Variants in RBFOX1 observed in about 807,000 individuals in gnomAD.
The protein encoded by RBFOX1 is RNA binding fox-1 homolog 1.
A neutral mutation model predicts 57.7 loss-of-function variants in RBFOX1; 8 were observed. That is an observed-to-expected ratio of 0.14 (90% confidence interval 0.08 to 0.25). The LOEUF is 0.25. RBFOX1 is among the 10% of genes least tolerant of loss of function. The probability of loss-of-function intolerance (pLI) is 1.00; values close to 1 mark genes in which losing one functional copy is unlikely to be tolerated. For synonymous variants in RBFOX1, 326 were observed against 222.4 expected, an observed-to-expected ratio of 1.47 and a Z score of -4.15; for missense variants, 611 against 548.5, an observed-to-expected ratio of 1.11 and a Z score of -1.14.
At chr16:5,850,208 A>G (rs1237558011) in intron 3 of RBFOX1, among the ~76,000 whole-genome samples, 1 of 152,138 alleles carries the variant, frequency 6.6e-6, no homozygotes, top group African/African-American at 2.4e-5. Flanking sequence ...AGCGGAGGGG[A>G]TGCTGCTTGG....
At chr16:7,025,495 C>A (rs983282889) in intron 3 of RBFOX1, among the ~76,000 whole-genome samples, 1 of 152,154 alleles carries the variant, frequency 6.6e-6, no homozygotes, top group Non-Finnish European at 1.5e-5. Context: ...CCTTGTTGTA[C>A]CCAGCCCCTA....
At chr16:7,460,389 ATGTGTGTGTGTG>A (rs1235047786) in intron 4 of RBFOX1, among the ~76,000 whole-genome samples, 2 of 87,212 alleles carry the variant, frequency 2.3e-5, no homozygotes, top group Non-Finnish European at 2.0e-5. Context: ...ATATATATAT[ATGTGTGTGTGTG>A]TGTGTGTGTG....
At chr16:6,261,022 A>G (rs1400686720) in intron 1 of RBFOX1, among the ~76,000 whole-genome samples, 1 of 152,178 alleles carries the variant, frequency 6.6e-6, no homozygotes, top group East Asian at 1.9e-4. Flanking sequence ...AATTATGAAG[A>G]CTATCTTTTG....
chr16:6,097,193 C>T lies in RBFOX1; in HGVS notation c.-127+77201C>T, dbSNP rs1331232469. Among the ~76,000 whole-genome samples the T allele has an allele frequency of 2.0e-5, 3 of 152,140 alleles. No homozygotes were observed. Among genetic ancestry groups the T allele is most frequent in the African/African-American group, 7.2e-5 (3 of 41,438 alleles). ...GTAAGACGTGACTTTCGCTTTCTGC[C>T]ATGATTGTGAGGCCTCCGTAGCCAT... is the stretch of plus-strand genomic sequence containing the variant. On this transcript the variant is annotated intron_variant, in intron 1 of 15. Coordinates refer to ENST00000550418, the MANE Select transcript of RBFOX1 (RefSeq NM_018723.4). The surrounding 1 kb of genome is among the most constrained non-coding windows in gnomAD (Gnocchi z 5.0).
intron 4 of RBFOX1, among the ~76,000 whole-genome samples, chr16:7,421,252 C>G (rs1269341520): frequency 1.3e-5 from 2 of 152,010 alleles, no homozygotes; most frequent in South Asian, 2.1e-4. Context: ...AGAGAACAAC[C>G]TATGTTGTAA....
chr16:5,551,892 T>C (rs2045480712), intron 2 of RBFOX1, among the ~76,000 whole-genome samples: 1 of 151,916 alleles, frequency 6.6e-6, no homozygotes, highest in Non-Finnish European at 1.5e-5. Context: ...TATGCGGTGT[T>C]TGGTTTTCTG....
chr16:5,869,572 T>C (rs56777539), intron 4 of RBFOX1, among the ~76,000 whole-genome samples: 4,120 of 152,172 alleles, frequency 0.027, 217 homozygotes, highest in African/African-American at 0.094. Context: ...TAGCTAGTTT[T>C]TGTATTTTTA....
At chr16:7,260,879 G>A (rs2094892633) in intron 4 of RBFOX1, among the ~76,000 whole-genome samples, 1 of 152,146 alleles carries the variant, frequency 6.6e-6, no homozygotes, top group Non-Finnish European at 1.5e-5. Flanking sequence ...AAGAGCTGGG[G>A]GAGTTCTGAT....
intron 4 of RBFOX1, among the ~76,000 whole-genome samples, chr16:7,369,964 G>T (rs192686153): frequency 2.6e-5 from 4 of 152,276 alleles, no homozygotes; most frequent in Admixed American, 2.6e-4. Context: ...ATGCTATTAT[G>T]TGTCAGAGCC....
rs143123358 is a variant in RBFOX1, at chr16:7,220,094, C to G, written c.27+167996C>G. Among the ~76,000 whole-genome samples the G allele has an allele frequency of 6.6e-5, 10 of 152,264 alleles. No individual in the cohort carries two copies. In the South Asian group the frequency reaches 1.5e-3, roughly 22 times the overall value. ...CCTTAGAGAGATCAATTGTGTGTAT[C>G]AGACCAAACAAAATTCACCATATTC... On this transcript the variant is annotated intron_variant, in intron 4 of 15. Coordinates refer to ENST00000550418, the MANE Select transcript of RBFOX1 (RefSeq NM_018723.4).
chr16:5,634,869 G>C lies in RBFOX1; in HGVS notation c.318+35908G>C, dbSNP rs529360147. 5.6e-4 allele frequency among the ~76,000 whole-genome samples: 86 copies of C among 152,280 alleles called. No homozygotes were observed. In the South Asian group the frequency reaches 0.017, roughly 31 times the overall value. On this transcript the variant is annotated intron_variant, in intron 3 of 19. Transcript: ENST00000641259. ...ATATTTGGCAACATCATAAAAAAGA[G>C]AATCTTTTTACTCACAAGTGTTTAT... is the stretch of plus-strand genomic sequence containing the variant.
At chr16:7,056,354 G>C (rs1484980134) in intron 4 of RBFOX1, among the ~76,000 whole-genome samples, 2 of 152,160 alleles carry the variant, frequency 1.3e-5, no homozygotes, top group African/African-American at 4.8e-5. Flanking sequence ...GTTCTTCTGA[G>C]CTTGCAATTC....
intron 2 of RBFOX1, among the ~76,000 whole-genome samples, chr16:6,478,430 T>TATATATA (rs1491380922): frequency 3.6e-3 from 46 of 12,716 alleles, no homozygotes; most frequent in African/African-American, 0.011. Flanking sequence ...TATATATATA[T>TATATATA]TTTTTTTTTT....
intron 4 of RBFOX1, among the ~76,000 whole-genome samples, chr16:7,246,357 G>T (rs1434485629): frequency 6.6e-6 from 1 of 152,140 alleles, no homozygotes; most frequent in Non-Finnish European, 1.5e-5. Context: ...ATCCCCCACA[G>T]CAAAGCAGCC....
At chr16:6,967,575 A>G (rs1344217653) in intron 3 of RBFOX1, among the ~76,000 whole-genome samples, 1 of 152,010 alleles carries the variant, frequency 6.6e-6, no homozygotes, top group Admixed American at 6.6e-5. Context: ...ACCTCTTTAC[A>G]TGTCATCAGC....
intron 3 of RBFOX1, among the ~76,000 whole-genome samples, chr16:6,978,725 G>A (rs1375668560): frequency 6.6e-6 from 1 of 152,218 alleles, no homozygotes; most frequent in Non-Finnish European, 1.5e-5. Context: ...AAATCTCAGA[G>A]TAAGTTTGGA....
chr16:6,427,135 A>G (rs962151078), intron 2 of RBFOX1, among the ~76,000 whole-genome samples: 3 of 152,236 alleles, frequency 2.0e-5, no homozygotes, highest in African/African-American at 4.8e-5. Flanking sequence ...AGAGAGTTTC[A>G]TATAAATCTT....
chr16:7,217,171 C>G (rs1250157301), intron 4 of RBFOX1, among the ~76,000 whole-genome samples: 14 of 151,158 alleles, frequency 9.3e-5, no homozygotes, highest in Non-Finnish European at 2.9e-5. Flanking sequence ...GTGGCACAAT[C>G]TCAGCTCACT....
chr16:7,708,655 A>C (rs537769684), intron 14 of RBFOX1, among the ~76,000 whole-genome samples: 2 of 152,314 alleles, frequency 1.3e-5, no homozygotes, highest in South Asian at 4.1e-4. Context: ...GTGACAGCTG[A>C]ATCAGGAGAA....
Sources: allele counts gnomAD v4.1 joint callset (sites outside exome capture counted in the v4.1 genomes callset), GRCh38; gene constraint gnomAD v4.1.1; non-coding constraint Gnocchi (gnomAD v3.1); transcripts MANE v1.5; gene names NCBI Gene and HGNC (gene_info 2026-07-23, HGNC 2026-07-21).